Variants in ZNF516 observed in about 807,000 individuals in gnomAD.
The protein encoded by ZNF516 is zinc finger protein 516.
In ZNF516, 19 loss-of-function variants were observed where a neutral mutation model predicts 79.7. The observed-to-expected ratio is 0.24, with a 90% CI of 0.17 to 0.35. The LOEUF is 0.35. ZNF516 is among the 10% of genes least tolerant of loss of function. ZNF516 has a pLI of 1.00. For missense variants in ZNF516, 1,678 were observed against 1,679.5 expected, an observed-to-expected ratio of 1.00 and a Z score of 0.02; for synonymous variants, 877 against 739.5, an observed-to-expected ratio of 1.19 and a Z score of -3.02.
rs3991208 is a variant in ZNF516, at chr18:76,360,644, A to ATATATATATATATAT, written c.*1853_*1854insATATATATATATATA. 4 of 101,650 alleles carry ATATATATATATATAT rather than the reference A, an allele frequency of 3.9e-5. No individual in the cohort carries two copies. The highest frequency in any genetic ancestry group is 1.1e-4 in the African/African-American group (3 of 27,222). The allele number at this position is 101,650 out of a possible 1,614,324, so 6.3% of individuals were successfully genotyped here. A position where few individuals can be genotyped will look rare whatever the true frequency, so the allele number is the denominator to read the frequency against. On this transcript the variant is annotated 3_prime_UTR_variant, in exon 7 of 7. Coordinates refer to ENST00000443185, the MANE Select transcript of ZNF516 (RefSeq NM_014643.4). ...AGAAAAAAATAAGTAAAAAAAAAAA[A>ATATATATATATATAT]AAATATATATATATATATATATATA... is the stretch of plus-strand genomic sequence containing the variant.
rs17059304 is a variant in ZNF516 at position 76,380,257 on chromosome 18, G to A, written c.1857C>T (p.Thr619=). ...RCCFSEEVTS[T]ELSSGDQSHK... ...GACTCTGGTCTCCACTGGAGAGCTC[G>A]GTCGAAGTCACCTCTTCGGAAAAGC... is the stretch of plus-strand genomic sequence containing the variant. The change falls in exon 4 of 7, where the codon ACC becomes ACT. Residue 619 remains threonine, a synonymous_variant. Coordinates refer to ENST00000443185, the MANE Select transcript of ZNF516 (RefSeq NM_014643.4). 4,945 of 1,613,808 alleles carry A rather than the reference G, an allele frequency of 3.1e-3. 146 individuals are homozygous for A. The African/African-American group carries it at 0.057, about 19-fold the overall frequency.
chr18:76,456,754 G>T (rs1330560581), intron 2 of ZNF516, among the ~76,000 whole-genome samples: 2 of 150 alleles, frequency 0.013, no homozygotes, highest in South Asian at 0.12. Flanking sequence ...CTGGGGGGTG[G>T]GGGGGGGCCA....
chr18:76,490,705 T>A, intron 1 of ZNF516: 2 of 923,240 alleles, frequency 2.2e-6, no homozygotes, highest in Non-Finnish European at 2.6e-6. Flanking sequence ...CGAAACTGCA[T>A]GGCAGGCTGA....
rs145926929 is a variant in ZNF516, at chr18:76,371,995, C to T, written c.3260-424G>A. On this transcript the variant is annotated intron_variant, in intron 4 of 6. Transcript: ENST00000443185. ...AGCGGGACCAGAGCCCACCGTGACC[C>T]GGCCGCGATCCTGGGAGACCCACGC... Among the ~76,000 whole-genome samples the T allele has an allele frequency of 6.4e-3, 981 of 152,320 alleles. 8 individuals are homozygous for T. The highest frequency in any genetic ancestry group is 9.4e-3 in the Non-Finnish European group (638 of 68,020).
upstream of ZNF516, chr18:76,495,298 C>T (rs1797866712): frequency 1.4e-5 from 2 of 144,952 alleles, no homozygotes; most frequent in African/African-American, 4.9e-5. Flanking sequence ...GCGCGCGGGG[C>T]CCGCCACGCG....
chr18:76,441,331 C>G lies in ZNF516; in HGVS notation c.1724G>C (p.Cys575Ser). 6.2e-7 allele frequency: 1 copy of G among 1,611,680 alleles called. No homozygotes were observed. The highest frequency in any genetic ancestry group is 8.5e-7 in the Non-Finnish European group (1 of 1,179,514). The change falls in exon 3 of 7, where the codon TGT becomes TCT. Residue 575 changes from cysteine to serine, a missense_variant. Coordinates refer to ENST00000443185, the MANE Select transcript of ZNF516 (RefSeq NM_014643.4). ...AGAGCCCGGGGAGTCAGCAGCGGCA[C>G]AGGCGGAGCCAGGGCTGCTGGGCTG... ...ASQPSSPGSA[C>S]AAADSPGSGL...
intron 1 of ZNF516, among the ~76,000 whole-genome samples, chr18:76,491,862 C>G (rs1487216939): frequency 6.6e-6 from 1 of 152,118 alleles, no homozygotes; most frequent in African/African-American, 2.4e-5. Flanking sequence ...CTGCCCAGTC[C>G]CGGTTCCGCC....
chr18:76,476,833 C>T (rs1055402611), intron 1 of ZNF516, among the ~76,000 whole-genome samples: 1 of 152,192 alleles, frequency 6.6e-6, no homozygotes, highest in African/African-American at 2.4e-5. Flanking sequence ...TAGAAACAGC[C>T]TAAGCTCTTG....
chr18:76,444,364 A>C (rs1349956518), intron 2 of ZNF516, among the ~76,000 whole-genome samples: 2 of 152,102 alleles, frequency 1.3e-5, no homozygotes, highest in Admixed American at 1.3e-4. Context: ...CCGGCTCCAG[A>C]CCTGCACAGA....
chr18:76,407,475 A>T (rs1280511933), intron 3 of ZNF516, among the ~76,000 whole-genome samples: 1 of 152,126 alleles, frequency 6.6e-6, no homozygotes, highest in African/African-American at 2.4e-5. Flanking sequence ...CGCAGGTTCA[A>T]TGTCGGGACA....
chr18:76,489,978 A>AT (rs766904354), intron 1 of ZNF516, among the ~76,000 whole-genome samples: 1 of 152,260 alleles, frequency 6.6e-6, no homozygotes, highest in East Asian at 1.9e-4. Flanking sequence ...CGGGATTATT[A>AT]TTTTTTTAGA....
chr18:76,494,635 A>AT (rs1400881006), intron 1 of ZNF516, among the ~76,000 whole-genome samples: 1 of 152,010 alleles, frequency 6.6e-6, no homozygotes, highest in South Asian at 2.1e-4. Flanking sequence ...ACAGGCATCG[A>AT]TCCCATCCGC....
At chr18:76,474,398 C>T (rs538436675) in intron 1 of ZNF516, among the ~76,000 whole-genome samples, 17 of 152,198 alleles carry the variant, frequency 1.1e-4, no homozygotes, top group African/African-American at 3.6e-4. Context: ...AATACAGTAC[C>T]ATGACACTAA....
At chr18:76,434,659 G>C (rs2075706559) in intron 3 of ZNF516, among the ~76,000 whole-genome samples, 1 of 152,228 alleles carries the variant, frequency 6.6e-6, no homozygotes, top group Non-Finnish European at 1.5e-5. Flanking sequence ...ATGGGCACAA[G>C]TGCAGATGCA....
chr18:76,461,759 G>A (rs186511222), intron 2 of ZNF516, among the ~76,000 whole-genome samples: 1 of 152,320 alleles, frequency 6.6e-6, no homozygotes, highest in East Asian at 1.9e-4. Flanking sequence ...TGCAGGGACC[G>A]CACGGGAACC....
intron 1 of ZNF516, chr18:76,492,111 G>T: frequency 1.0e-6 from 1 of 968,144 alleles, no homozygotes; most frequent in South Asian, 4.8e-5. Context: ...GGGGTCTCCG[G>T]GGAGGTAGTG....
Position 76,360,089 on chromosome 18 carries a change from C to T in ZNF516, c.*2409G>A, listed in dbSNP as rs2074508339. On this transcript the variant is annotated 3_prime_UTR_variant, in exon 7 of 7. Coordinates refer to ENST00000443185, the MANE Select transcript of ZNF516 (RefSeq NM_014643.4). ...GCGGCCCCGCAAGCTGACTGTCCTC[C>T]ACGCCTGCTCTCCTGCAAGCCAGGA... 6.6e-6 allele frequency: 1 copy of T among 152,328 alleles called. No homozygotes were observed. The highest frequency in any genetic ancestry group is 6.5e-5 in the Admixed American group (1 of 15,284). 9.4% of individuals were successfully genotyped at this position (152,328 alleles called of 1,614,324 possible).
intron 5 of ZNF516, 105 bp downstream of exon 5, chr18:76,371,362 G>T (rs1311100758): frequency 8.4e-7 from 1 of 1,190,812 alleles, no homozygotes; most frequent in African/African-American, 1.5e-5. Flanking sequence ...GCCTGGTAGG[G>T]GCTGAAATCT....
chr18:76,365,595 C>T (rs2074600675), intron 6 of ZNF516, among the ~76,000 whole-genome samples: 1 of 152,208 alleles, frequency 6.6e-6, no homozygotes, highest in Non-Finnish European at 1.5e-5. Context: ...GATGACCAAG[C>T]ATCTTTTAAA....
Sources: gnomAD v4.1 joint callset for allele counts (sites outside exome capture counted in the v4.1 genomes callset) on GRCh38, gnomAD v4.1.1 for gene constraint, MANE v1.5 for transcripts, NCBI Gene and HGNC (gene_info 2026-07-23, HGNC 2026-07-21) for gene names.